Variants in CRTC3 observed in about 807,000 individuals in gnomAD.
The protein encoded by CRTC3 is CREB regulated transcription coactivator 3.
CRTC3 carries 26 observed loss-of-function variants against 74.5 expected under a neutral mutation model. The ratio of observed to expected loss-of-function variants is 0.35; its 90% CI spans 0.26 to 0.48. The LOEUF is 0.48. CRTC3 is among the 20% of genes least tolerant of loss of function. The probability of loss-of-function intolerance (pLI) is 0.99; values close to 1 mark genes in which losing one functional copy is unlikely to be tolerated. For missense variants in CRTC3, 760 were observed against 787.3 expected (o/e 0.97, Z 0.41); for synonymous variants, 377 against 325.8 (o/e 1.16, Z -1.69).
rs1441128507 is a variant in CRTC3, at chr15:90,625,995, T to C, written c.967+2T>C. ...ACCTGGGTATAAGAAGCTCCTCTGG[T>C]GAGTATCTCCTGCTTAGCAGTGACC... On this transcript the variant is annotated splice_donor_variant, in intron 10 of 14. Coordinates refer to ENST00000268184, the MANE Select transcript of CRTC3 (RefSeq NM_022769.5). LOFTEE classifies it high-confidence loss of function. The C allele has an allele frequency of 6.2e-7, 1 of 1,612,184 alleles. No individual in the cohort carries two copies. The highest frequency in any genetic ancestry group is 8.5e-7 in the Non-Finnish European group (1 of 1,178,294).
chr15:90,541,783 TTTTTTTC>T (rs1359228520), intron 2 of CRTC3, among the ~76,000 whole-genome samples: 1 of 21,612 alleles, frequency 4.6e-5, no homozygotes, highest in South Asian at 7.9e-4. Flanking sequence ...CCCAGGATTC[TTTTTTTC>T]TTTTTTTTTT....
intron 9 of CRTC3, among the ~76,000 whole-genome samples, chr15:90,621,688 T>G (rs1400266504): frequency 2.6e-5 from 4 of 152,092 alleles, no homozygotes; most frequent in Non-Finnish European, 5.9e-5. Flanking sequence ...ACTCCTAGTC[T>G]CAAGTGATCC....
At chr15:90,552,068 T>G (rs1371256811) in intron 2 of CRTC3, among the ~76,000 whole-genome samples, 1 of 152,202 alleles carries the variant, frequency 6.6e-6, no homozygotes, top group East Asian at 1.9e-4. Context: ...ACTTTTCTTT[T>G]TCACTCTTCA....
intron 3 of CRTC3, 165 bp downstream of exon 3, chr15:90,593,920 C>T (rs1967858397): frequency 1.7e-6 from 1 of 604,290 alleles, no homozygotes; most frequent in African/African-American, 1.8e-5. Context: ...TCTCTGCAGT[C>T]AACATTTGGA....
rs918186746 is a variant in CRTC3, at chr15:90,619,671, G to A, written c.700-70G>A. 126 of 1,337,126 alleles carry A rather than the reference G, an allele frequency of 9.4e-5. 1 individual carries two copies. Among genetic ancestry groups the A allele is most frequent in the Middle Eastern group, 1.8e-4 (1 of 5,546 alleles). 82.8% of individuals were successfully genotyped at this position (1,337,126 alleles called of 1,614,324 possible). On this transcript the variant is annotated intron_variant, in intron 8 of 14. Transcript: ENST00000268184. Reference sequence around the variant, plus strand: ...CCCACTAGAGCCTCAAGGTCCTTACGAAGACACTTTTCAAAAACTTGAATT... The same window carrying A: ...CCCACTAGAGCCTCAAGGTCCTTACAAAGACACTTTTCAAAAACTTGAATT...
rs933388761 is a variant in CRTC3, at chr15:90,644,895, A to G, written c.*2755A>G. 2.2e-5 allele frequency: 5 copies of G among 232,354 alleles called. No individual in the cohort carries two copies. The highest frequency in any genetic ancestry group is 4.3e-5 in the Non-Finnish European group (5 of 117,528). The allele number at this position is 232,354 out of a possible 1,614,324, so 14.4% of individuals were successfully genotyped here. A position where few individuals can be genotyped will look rare whatever the true frequency, so the allele number is the denominator to read the frequency against. The stretch of plus-strand genomic sequence containing the variant: ...CTCTCACTTACAGCAGTTAAACAGC[A>G]TAGAACTAAAAACCTGTCTGCATTT... On this transcript the variant is annotated 3_prime_UTR_variant, in exon 15 of 15. Coordinates refer to ENST00000268184, the MANE Select transcript of CRTC3 (RefSeq NM_022769.5).
Position 90,540,178 on chromosome 15 carries a change from T to TA in CRTC3, c.231+47dup, listed in dbSNP as rs778167567. On this transcript the variant is annotated intron_variant, in intron 2 of 14. Transcript: ENST00000268184. ...TACTTTCTTGAAGCTGAATGGAGTG[T>TA]AAAAAATAGACAAAGATTATCACTA... The TA allele has an allele frequency of 4.7e-4, 618 of 1,305,424 alleles. 1 individual carries two copies. Among genetic ancestry groups the TA allele is most frequent in the Non-Finnish European group, 4.5e-4 (414 of 916,510 alleles). The allele number at this position is 1,305,424 out of a possible 1,614,324, so 80.9% of individuals were successfully genotyped here. A position where few individuals can be genotyped will look rare whatever the true frequency, so the allele number is the denominator to read the frequency against.
At chr15:90,540,946 G>A (rs1027387455) in intron 2 of CRTC3, among the ~76,000 whole-genome samples, 2 of 152,110 alleles carry the variant, frequency 1.3e-5, no homozygotes, top group South Asian at 4.1e-4. Flanking sequence ...TGGACCAGCC[G>A]CATTTCACTA....
intron 5 of CRTC3, among the ~76,000 whole-genome samples, chr15:90,605,268 C>G (rs758087793): frequency 9.2e-5 from 14 of 151,956 alleles, no homozygotes; most frequent in Non-Finnish European, 1.5e-4. Flanking sequence ...AAAAAGAAAC[C>G]CGATGAATGG....
intron 6 of CRTC3, among the ~76,000 whole-genome samples, chr15:90,607,815 G>A (rs974364339): frequency 2.6e-5 from 4 of 152,102 alleles, no homozygotes; most frequent in African/African-American, 9.7e-5. Context: ...AGTTCCCCAA[G>A]AGTCCTCTTT....
chr15:90,626,013 C>G lies in CRTC3; in HGVS notation c.967+20C>G. On this transcript the variant is annotated intron_variant, in intron 10 of 14. Coordinates refer to ENST00000268184, the MANE Select transcript of CRTC3 (RefSeq NM_022769.5). ...CCTCTGGTGAGTATCTCCTGCTTAG[C>G]AGTGACCTGGTGGCTTAATCATAGG... 1.9e-6 allele frequency: 3 copies of G among 1,598,396 alleles called. No individual in the cohort carries two copies. Among genetic ancestry groups the G allele is most frequent in the Non-Finnish European group, 2.6e-6 (3 of 1,165,666 alleles).
chr15:90,603,101 TA>T (rs1417027073), intron 4 of CRTC3, among the ~76,000 whole-genome samples: 1 of 152,156 alleles, frequency 6.6e-6, no homozygotes. Context: ...GGAATATATT[TA>T]CCAGCAGAAT....
chr15:90,545,576 GT>G lies in CRTC3; in HGVS notation c.231+5451del, dbSNP rs540477533. Reference sequence around the variant, plus strand: ...CACCACACCTGGCTAATTTTTGTTTGTTTTTTTTTTTTACTTTTGAGATGGA... The same window carrying G: ...CACCACACCTGGCTAATTTTTGTTTGTTTTTTTTTTTACTTTTGAGATGGA... On this transcript the variant is annotated intron_variant, in intron 2 of 14. Transcript: ENST00000268184. Among the ~76,000 whole-genome samples the G allele has an allele frequency of 4.2e-3, 553 of 132,064 alleles. 5 individuals are homozygous for G. Among genetic ancestry groups the G allele is most frequent in the African/African-American group, 0.013 (461 of 36,242 alleles). The allele number at this position is 132,064 out of a possible 152,430, so 86.6% of individuals were successfully genotyped here.
Position 90,625,765 on chromosome 15 carries a change from TC to T in CRTC3, c.750-10del. On this transcript the variant is annotated splice_polypyrimidine_tract_variant and intron_variant, in intron 9 of 14. Coordinates refer to ENST00000268184, the MANE Select transcript of CRTC3 (RefSeq NM_022769.5). ...ATTGTAGAAAGTCATTCTTAATCTT[TC>T]TTTTTTCAGTGCTTTTCCACATAAT... 6.2e-7 allele frequency: 1 copy of T among 1,610,562 alleles called. No individual in the cohort carries two copies. The highest frequency in any genetic ancestry group is 8.5e-7 in the Non-Finnish European group (1 of 1,176,714).
rs11426969 is a variant in CRTC3 at position 90,541,782 on chromosome 15, C to CTTTTTTTTTTTTTTTTTTTTTTTTT, written c.231+1652_231+1653insTTTTTTTTTTTTTTTTTTTTTTTTT. ...GATAATCCTTGGCCTTCCCAGGATT[C>CTTTTTTTTTTTTTTTTTTTTTTTTT]TTTTTTTCTTTTTTTTTTTTTGAGA... is the stretch of plus-strand genomic sequence containing the variant. On this transcript the variant is annotated intron_variant, in intron 2 of 14. Coordinates refer to ENST00000268184, the MANE Select transcript of CRTC3 (RefSeq NM_022769.5). 1.7e-5 allele frequency among the ~76,000 whole-genome samples: 2 copies of CTTTTTTTTTTTTTTTTTTTTTTTTT among 120,100 alleles called. 1 individual carries two copies. The highest frequency in any genetic ancestry group is 3.4e-5 in the Non-Finnish European group (2 of 59,358). 78.8% of individuals were successfully genotyped at this position (120,100 alleles called of 152,430 possible).
Position 90,530,185 on chromosome 15 carries a change from C to G in CRTC3, c.114C>G (p.Thr38=), listed in dbSNP as rs1157253484. 26 of 1,310,052 alleles carry G rather than the reference C, an allele frequency of 2.0e-5. No homozygotes were observed. Among genetic ancestry groups the G allele is most frequent in the Non-Finnish European group, 2.3e-5 (23 of 1,005,236 alleles). 81.2% of individuals were successfully genotyped at this position (1,310,052 alleles called of 1,614,324 possible). A position where few individuals can be genotyped will look rare whatever the true frequency, so the allele number is the denominator to read the frequency against. The change falls in exon 1 of 15, where the codon ACC becomes ACG. Residue 38 remains threonine, a synonymous_variant. Coordinates refer to ENST00000268184, the MANE Select transcript of CRTC3 (RefSeq NM_022769.5). This position sits in a 1 kb window ranked among gnomAD's most constrained non-coding sequence, Gnocchi z 6.2. ...CGCGGGCCTTCGAGCAGCTCATGAC[C>G]GACCTCACCCTGTCGCGGGTGAGGG... ...EETRAFEQLM[T]DLTLSRVQFQ...
intron 6 of CRTC3, among the ~76,000 whole-genome samples, chr15:90,608,488 C>T (rs1400261587): frequency 6.6e-6 from 1 of 152,192 alleles, no homozygotes; most frequent in Non-Finnish European, 1.5e-5. Context: ...CCTCTCCATC[C>T]GTAAGCCTCA....
rs372403240 is a variant in CRTC3, at chr15:90,629,406, C to T, written c.1140C>T (p.Ser380=). 44 of 1,613,940 alleles carry T rather than the reference C, an allele frequency of 2.7e-5. No individual in the cohort carries two copies. The highest frequency in any genetic ancestry group is 8.9e-5 in the East Asian group (4 of 44,890). ...CATCTCTTTCCACCACAAACCTGAG[C>T]GGCCCGTCTCGGCGTCGGCAGCCTC... ...SNPSLSTTNL[S]GPSRRRQPPV... Residue 380 remains serine (S), a synonymous_variant, in exon 11 of 15, where the codon AGC becomes AGT. Coordinates refer to ENST00000268184, the MANE Select transcript of CRTC3 (RefSeq NM_022769.5).
At position 90,619,806 on chromosome 15, in the gene CRTC3, T is replaced by C. The variant is rs752061307; in HGVS notation, c.749+16T>C. On this transcript the variant is annotated intron_variant, in intron 9 of 14. Coordinates refer to ENST00000268184, the MANE Select transcript of CRTC3 (RefSeq NM_022769.5). Reference sequence around the variant, plus strand: ...GAGGTGGCAAGTAAGTAATATTCTTTCTGTTCGTGTTTCAGGGACTATCCT... The same window carrying C: ...GAGGTGGCAAGTAAGTAATATTCTTCCTGTTCGTGTTTCAGGGACTATCCT... 2.5e-5 allele frequency: 40 copies of C among 1,609,016 alleles called. No individual in the cohort carries two copies. The East Asian group carries it at 7.1e-4, about 29-fold the overall frequency.
Sources: allele counts gnomAD v4.1 joint callset (sites outside exome capture counted in the v4.1 genomes callset), GRCh38; gene constraint gnomAD v4.1.1; non-coding constraint Gnocchi (gnomAD v3.1); transcripts MANE v1.5; gene names NCBI Gene and HGNC (gene_info 2026-07-23, HGNC 2026-07-21).